The following NALF1 variants were observed in gnomAD, a reference collection of about 807,000 sequenced individuals.
NALF1 encodes the protein NALCN channel auxiliary factor 1, also known as family with sequence similarity 155 member A.
In NALF1, 3 loss-of-function variants were observed where a neutral mutation model predicts 48.4. That is an observed-to-expected ratio of 0.06 (90% confidence interval 0.03 to 0.16). NALF1 has a LOEUF of 0.16. Among genes scored for constraint, NALF1 ranks in the 10% least tolerant of loss-of-function variants. NALF1 has a pLI of 1.00. For synonymous variants in NALF1, 262 were observed against 245.7 expected, an observed-to-expected ratio of 1.07 and a Z score of -0.62; for missense variants, 526 against 571.5, an observed-to-expected ratio of 0.92 and a Z score of 0.81.
At chr13:107,504,646 G>A (rs979641904) in intron 1 of NALF1, among the ~76,000 whole-genome samples, 4 of 151,978 alleles carry the variant, frequency 2.6e-5, no homozygotes, top group African/African-American at 7.3e-5. Context: ...CCCTAAATAT[G>A]ACCTCAACTT....
At chr13:107,389,595 A>G (rs1300128084) in intron 1 of NALF1, among the ~76,000 whole-genome samples, 2 of 152,148 alleles carry the variant, frequency 1.3e-5, no homozygotes, top group African/African-American at 4.8e-5. Flanking sequence ...AGGTTGTGAT[A>G]CTTTACTATG....
intron 2 of NALF1, among the ~76,000 whole-genome samples, chr13:107,190,651 T>C (rs973002279): frequency 1.3e-5 from 2 of 152,218 alleles, no homozygotes; most frequent in Non-Finnish European, 2.9e-5. Flanking sequence ...GAAAATGTTA[T>C]AGAACAGATA....
chr13:107,560,366 T>C (rs1566393471), intron 1 of NALF1, among the ~76,000 whole-genome samples: 1 of 152,064 alleles, frequency 6.6e-6, no homozygotes, highest in Non-Finnish European at 1.5e-5. Context: ...TTGAATAAAA[T>C]ACCCAAGGAC....
intron 1 of NALF1, among the ~76,000 whole-genome samples, chr13:107,316,095 T>C (rs1183010721): frequency 6.6e-6 from 1 of 152,052 alleles, no homozygotes; most frequent in Non-Finnish European, 1.5e-5. Flanking sequence ...TCCCCTCCTG[T>C]GTCCATGTGT....
chr13:107,360,349 TCTTCA>T (rs1883040006), intron 1 of NALF1, among the ~76,000 whole-genome samples: 1 of 152,158 alleles, frequency 6.6e-6, no homozygotes, highest in Non-Finnish European at 1.5e-5. Flanking sequence ...ATTGTATTAC[TCTTCA>T]CTTCAAGATC....
intron 1 of NALF1, among the ~76,000 whole-genome samples, chr13:107,605,825 G>A (rs1692675277): frequency 6.6e-6 from 1 of 152,172 alleles, no homozygotes; most frequent in Non-Finnish European, 1.5e-5. Context: ...GAAAACATTT[G>A]TTGAAACATT....
intron 1 of NALF1, among the ~76,000 whole-genome samples, chr13:107,515,045 G>A (rs578029396): frequency 1.3e-5 from 2 of 152,208 alleles, no homozygotes; most frequent in Admixed American, 6.5e-5. Flanking sequence ...CCATATGCAG[G>A]TTATTTAAGT....
intron 1 of NALF1, among the ~76,000 whole-genome samples, chr13:107,597,183 C>T (rs1316173678): frequency 6.6e-6 from 1 of 152,108 alleles, no homozygotes; most frequent in Non-Finnish European, 1.5e-5. Flanking sequence ...TCAGTCAATC[C>T]TTGAAGAAGT....
chr13:107,279,945 T>C (rs139867173), intron 1 of NALF1, among the ~76,000 whole-genome samples: 3 of 152,148 alleles, frequency 2.0e-5, no homozygotes, highest in Non-Finnish European at 4.4e-5. Context: ...CTGCTTTCTA[T>C]AGCACCTAAG....
chr13:107,332,063 C>T (rs569566506), intron 1 of NALF1, among the ~76,000 whole-genome samples: 28 of 152,176 alleles, frequency 1.8e-4, no homozygotes, highest in African/African-American at 6.5e-4. Context: ...AGAACAATTC[C>T]TGGATATGGA....
At chr13:107,324,732 T>C (rs968778235) in intron 1 of NALF1, among the ~76,000 whole-genome samples, 1 of 152,222 alleles carries the variant, frequency 6.6e-6, no homozygotes, top group African/African-American at 2.4e-5. Context: ...GCCAAACTTT[T>C]CTGAAATATT....
At chr13:107,385,964 A>C (rs71435235) in intron 1 of NALF1, among the ~76,000 whole-genome samples, 5 of 152,152 alleles carry the variant, frequency 3.3e-5, no homozygotes, top group Non-Finnish European at 7.4e-5. Context: ...CACAACTGCA[A>C]AATTAAAAGT....
At chr13:107,476,008 T>G (rs904256306) in intron 1 of NALF1, among the ~76,000 whole-genome samples, 3 of 152,158 alleles carry the variant, frequency 2.0e-5, no homozygotes, top group Non-Finnish European at 2.9e-5. Flanking sequence ...GAAGACAGAT[T>G]CATTGAGAAG....
intron 1 of NALF1, among the ~76,000 whole-genome samples, chr13:107,732,638 T>C (rs573415878): frequency 1.3e-5 from 2 of 152,252 alleles, no homozygotes; most frequent in African/African-American, 2.4e-5. Context: ...ATATGTGTCA[T>C]GAAAGTGCAA....
chr13:107,556,560 C>G (rs929362265), intron 1 of NALF1, among the ~76,000 whole-genome samples: 2 of 151,972 alleles, frequency 1.3e-5, no homozygotes, highest in African/African-American at 4.8e-5. Context: ...GGCGCCATCT[C>G]GGCTCACTGC....
intron 1 of NALF1, among the ~76,000 whole-genome samples, chr13:107,420,500 A>C (rs895694292): frequency 6.6e-6 from 1 of 152,144 alleles, no homozygotes; most frequent in Non-Finnish European, 1.5e-5. Flanking sequence ...TTCTGTTAAA[A>C]CTCAAATGTC....
At chr13:107,687,781 T>C (rs1881471732) in intron 1 of NALF1, among the ~76,000 whole-genome samples, 2 of 152,118 alleles carry the variant, frequency 1.3e-5, no homozygotes, top group South Asian at 4.1e-4. Context: ...TGAAATAAAA[T>C]TAGAAATTCA....
chr13:107,781,831 A>T (rs1481287595), intron 1 of NALF1, among the ~76,000 whole-genome samples: 1 of 152,168 alleles, frequency 6.6e-6, no homozygotes, highest in East Asian at 1.9e-4. Context: ...TTATGTGGAC[A>T]ACTAATACAA....
rs74926761 is a variant in NALF1 at position 107,706,328 on chromosome 13, T to C, written c.915+159354A>G. Among the ~76,000 whole-genome samples, 4,182 of 152,252 alleles carry C rather than the reference T, an allele frequency of 0.027. 354 individuals carry two copies. In the East Asian group the frequency reaches 0.32, roughly 12 times the overall value. ...TAAATTTCATCTTTTATCTTCTATT[T>C]AGGAAGACATATTATTTAGAATATG... On this transcript the variant is annotated intron_variant, in intron 1 of 2. Coordinates refer to ENST00000375915, the MANE Select transcript of NALF1 (RefSeq NM_001080396.3).
Sources: gnomAD v4.1 joint callset for allele counts (sites outside exome capture counted in the v4.1 genomes callset) on GRCh38, gnomAD v4.1.1 for gene constraint, MANE v1.5 for transcripts, NCBI Gene and HGNC (gene_info 2026-07-23, HGNC 2026-07-21) for gene names.